Variants in CACNG2 observed in about 807,000 individuals in gnomAD.
CACNG2 encodes voltage-dependent calcium channel gamma-2 subunit.
In CACNG2, 3 loss-of-function variants were observed where a neutral mutation model predicts 25.9. The observed-to-expected ratio is 0.12, with a 90% CI of 0.05 to 0.30. The LOEUF is 0.30. Ranked by LOEUF, CACNG2 falls within the 10% of genes least tolerant of loss-of-function variation. CACNG2 has a pLI of 1.00. For missense variants in CACNG2, 341 were observed against 432.5 expected, an observed-to-expected ratio of 0.79 and a Z score of 1.88; for synonymous variants, 167 against 173.3, an observed-to-expected ratio of 0.96 and a Z score of 0.29.
At chr22:36,683,471 T>C (rs28634026) in intron 1 of CACNG2, among the ~76,000 whole-genome samples, 9,156 of 152,266 alleles carry the variant, frequency 0.06, 769 homozygotes, top group African/African-American at 0.19. Flanking sequence ...ACTATCTCTC[T>C]TAGGCTTGTG....
At position 36,600,018 on chromosome 22, in the gene CACNG2, T is replaced by C. The variant is rs143521648; in HGVS notation, c.212-12470A>G. On this transcript the variant is annotated intron_variant, in intron 1 of 3. Coordinates refer to ENST00000300105, the MANE Select transcript of CACNG2 (RefSeq NM_006078.5). ...GGAACAACTTGGGAGGAATGGCCTT[T>C]AGGGCATGGGATGTGCCCTTCTCAG... Among the ~76,000 whole-genome samples, 213 of 152,318 alleles carry C rather than the reference T, an allele frequency of 1.4e-3. 2 individuals are homozygous for C. Among genetic ancestry groups the C allele is most frequent in the African/African-American group, 5.0e-3 (207 of 41,586 alleles).
intron 1 of CACNG2, among the ~76,000 whole-genome samples, chr22:36,666,681 T>C (rs569997801): frequency 7.9e-5 from 12 of 152,172 alleles, no homozygotes; most frequent in African/African-American, 2.9e-4. Flanking sequence ...GGCTATGTTA[T>C]GTGTATTTTA....
intron 1 of CACNG2, among the ~76,000 whole-genome samples, chr22:36,616,917 T>C (rs536155673): frequency 6.6e-6 from 1 of 151,902 alleles, no homozygotes; most frequent in African/African-American, 2.4e-5. Flanking sequence ...CTGGGGAGAG[T>C]GGTGAATGAA....
At chr22:36,582,667 C>G (rs1412213172) in intron 2 of CACNG2, among the ~76,000 whole-genome samples, 1 of 151,802 alleles carries the variant, frequency 6.6e-6, no homozygotes, top group Non-Finnish European at 1.5e-5. Flanking sequence ...CCTTGGCCTC[C>G]CAAAGTGCTG....
chr22:36,683,230 T>G (rs1937150030), intron 1 of CACNG2, among the ~76,000 whole-genome samples: 1 of 152,260 alleles, frequency 6.6e-6, no homozygotes, highest in Non-Finnish European at 1.5e-5. Flanking sequence ...TTCATTCAAC[T>G]GTATAAGAAG....
rs1937446307 is a variant in CACNG2 at position 36,703,724 on chromosome 22, G to A, written c.-1148C>T. On this transcript the variant is annotated 5_prime_UTR_variant, in exon 1 of 4. Coordinates refer to ENST00000300105, the MANE Select transcript of CACNG2 (RefSeq NM_006078.5). ...AAAATGAGCGCTCTCCTGGGCTCCC[G>A]GAGCTTAGAGGAAGGCGTAGCTAGA... Among the ~76,000 whole-genome samples the A allele has an allele frequency of 6.7e-6, 1 of 149,620 alleles. No homozygotes were observed. Among genetic ancestry groups the A allele is most frequent in the Admixed American group, 6.7e-5 (1 of 15,008 alleles).
chr22:36,662,804 G>A (rs762205497), intron 1 of CACNG2, among the ~76,000 whole-genome samples: 2 of 152,074 alleles, frequency 1.3e-5, no homozygotes, highest in African/African-American at 2.4e-5. Context: ...ACTCATCAAC[G>A]TAGATGTTAT....
intron 2 of CACNG2, among the ~76,000 whole-genome samples, chr22:36,586,163 G>T (rs1057358901): frequency 6.6e-6 from 1 of 152,196 alleles, no homozygotes; most frequent in Non-Finnish European, 1.5e-5. Flanking sequence ...TCCCTGCCAG[G>T]CTGTGCTCTT....
rs1023643182 is a variant in CACNG2, at chr22:36,563,590, G to A, written c.*761C>T. Among the ~76,000 whole-genome samples the A allele has an allele frequency of 2.0e-5, 3 of 152,148 alleles. No individual in the cohort carries two copies. The highest frequency in any genetic ancestry group is 4.4e-5 in the Non-Finnish European group (3 of 68,000). ...CAAGCCCCAAGTGTACCCCCCTCCA[G>A]GCACCCTAACGGAGAGGAGGGACAA... is the stretch of plus-strand genomic sequence containing the variant. On this transcript the variant is annotated 3_prime_UTR_variant, in exon 4 of 4. Transcript: ENST00000300105.
At chr22:36,595,193 C>T (rs749819980) in intron 1 of CACNG2, among the ~76,000 whole-genome samples, 1 of 152,036 alleles carries the variant, frequency 6.6e-6, no homozygotes, top group East Asian at 1.9e-4. Flanking sequence ...GGCTTTCTAG[C>T]AAGAGCAGTC....
intron 1 of CACNG2, among the ~76,000 whole-genome samples, chr22:36,589,902 A>G (rs1935560262): frequency 6.6e-6 from 1 of 152,168 alleles, no homozygotes; most frequent in Non-Finnish European, 1.5e-5. Flanking sequence ...AAAATTACAA[A>G]TCAGTGTATT....
At chr22:36,645,565 A>C (rs1283004063) in intron 1 of CACNG2, among the ~76,000 whole-genome samples, 1 of 140,208 alleles carries the variant, frequency 7.1e-6, no homozygotes. Flanking sequence ...AAAAAAAAAA[A>C]AGAAATGCTA....
intron 3 of CACNG2, among the ~76,000 whole-genome samples, chr22:36,565,477 T>C: frequency 6.6e-6 from 1 of 151,238 alleles, no homozygotes; most frequent in East Asian, 1.9e-4. Context: ...TAGATGTTGG[T>C]GGTTCCTTTT....
At chr22:36,661,249 G>C (rs1423554435) in intron 1 of CACNG2, among the ~76,000 whole-genome samples, 2 of 152,230 alleles carry the variant, frequency 1.3e-5, no homozygotes, top group Non-Finnish European at 2.9e-5. Context: ...GTGACTCTCT[G>C]TAGCTCCTCC....
rs148629790 is a variant in CACNG2 at position 36,590,349 on chromosome 22, T to C, written c.212-2801A>G. 5.9e-5 allele frequency among the ~76,000 whole-genome samples: 9 copies of C among 152,250 alleles called. No individual in the cohort carries two copies. In the East Asian group the frequency reaches 1.7e-3, roughly 29 times the overall value. Reference sequence around the variant, plus strand: ...CAGCTGCCTATTTGACATCTCCTGGTGGATGTTTTAAAGGCACTGAACATG... The same window carrying C: ...CAGCTGCCTATTTGACATCTCCTGGCGGATGTTTTAAAGGCACTGAACATG... On this transcript the variant is annotated intron_variant, in intron 1 of 3. Transcript: ENST00000300105.
intron 1 of CACNG2, among the ~76,000 whole-genome samples, chr22:36,641,853 T>C (rs1936446533): frequency 6.6e-6 from 1 of 152,234 alleles, no homozygotes; most frequent in African/African-American, 2.4e-5. Flanking sequence ...ATCCTGGTCA[T>C]TTACAGTTCA....
At chr22:36,580,209 C>A (rs1190074725) in intron 2 of CACNG2, among the ~76,000 whole-genome samples, 1 of 152,142 alleles carries the variant, frequency 6.6e-6, no homozygotes, top group African/African-American at 2.4e-5. Flanking sequence ...ATTTGAAGCC[C>A]CGAGTGTGCC....
chr22:36,703,238 A>AGCGGCGGCGGCG lies in CACNG2; in HGVS notation c.-674_-663dup, dbSNP rs538190446. ...TCGCTTTCCATGGTTTTGCCCGGGC[A>AGCGGCGGCGGCG]GCGGCGGCGGCGGCGGCGGCGGCGG... On this transcript the variant is annotated 5_prime_UTR_variant, in exon 1 of 4. Transcript: ENST00000300105. 0.01 allele frequency: 1,593 copies of AGCGGCGGCGGCG among 154,606 alleles called. 17 individuals are homozygous for AGCGGCGGCGGCG. Among genetic ancestry groups the AGCGGCGGCGGCG allele is most frequent in the Non-Finnish European group, 0.011 (843 of 73,512 alleles). The allele number at this position is 154,606 out of a possible 1,614,324, so 9.6% of individuals were successfully genotyped here. A position where few individuals can be genotyped will look rare whatever the true frequency, so the allele number is the denominator to read the frequency against.
intron 1 of CACNG2, among the ~76,000 whole-genome samples, chr22:36,624,406 A>C (rs1423742881): frequency 6.6e-6 from 1 of 152,158 alleles, no homozygotes; most frequent in Non-Finnish European, 1.5e-5. Context: ...TCTCTTTTCC[A>C]GATGAGAAAA....
Sources: gnomAD v4.1 joint callset for allele counts (sites outside exome capture counted in the v4.1 genomes callset) on GRCh38, gnomAD v4.1.1 for gene constraint, MANE v1.5 for transcripts, NCBI Gene and HGNC (gene_info 2026-07-23, HGNC 2026-07-21) for gene names.